HTR2C: variants seen among roughly 807,000 people sequenced by gnomAD.
HTR2C encodes the protein 5-hydroxytryptamine receptor 2C.
A neutral mutation model predicts 21.0 loss-of-function variants in HTR2C; 5 were observed. The observed-to-expected ratio is 0.24, with a 90% CI of 0.12 to 0.50. HTR2C has a LOEUF of 0.50. Ranked by LOEUF, HTR2C falls within the 20% of genes least tolerant of loss-of-function variation. HTR2C has a pLI of 0.98. For synonymous variants in HTR2C, 150 were observed against 145.3 expected, an observed-to-expected ratio of 1.03 and a Z score of -0.23; for missense variants, 271 against 371.2, an observed-to-expected ratio of 0.73 and a Z score of 2.22.
intron 2 of HTR2C, among the ~76,000 whole-genome samples, chrX:114,615,683 T>C (rs2147807018): frequency 8.9e-6 from 1 of 111,875 alleles, no homozygotes; most frequent in Non-Finnish European, 1.9e-5. Context: ...ATCTTTACTG[T>C]CTTCCTTTCA....
At chrX:114,836,602 G>A (rs1195997743) in intron 4 of HTR2C, among the ~76,000 whole-genome samples, 8 of 111,916 alleles carry the variant, frequency 7.1e-5, no homozygotes, top group Non-Finnish European at 1.3e-4. Context: ...TGCGCCCACT[G>A]TCTGTTACTC....
At chrX:114,854,660 G>A (rs2070944795) in intron 5 of HTR2C, among the ~76,000 whole-genome samples, 2 of 111,335 alleles carry the variant, frequency 1.8e-5, no homozygotes, top group Admixed American at 9.6e-5. Context: ...GCTGGACAAT[G>A]GCCTAGGCAA....
chrX:114,747,412 A>G (rs782147625), intron 4 of HTR2C, among the ~76,000 whole-genome samples: 234 of 112,133 alleles, frequency 2.1e-3, no homozygotes, highest in Non-Finnish European at 3.5e-3. Context: ...AATTAATGAA[A>G]TGCACACTGG....
intron 2 of HTR2C, among the ~76,000 whole-genome samples, chrX:114,636,068 GTTT>G (rs199651941): frequency 1.1e-5 from 1 of 91,780 alleles, no homozygotes. Context: ...CTGTGCAATG[GTTT>G]TTTTTTTTTT....
intron 1 of HTR2C, among the ~76,000 whole-genome samples, chrX:114,595,355 C>A (rs781878931): frequency 9.7e-6 from 1 of 103,166 alleles, no homozygotes; most frequent in African/African-American, 3.5e-5. Flanking sequence ...GTAGCTGGAA[C>A]TGTAGGTGTG....
intron 5 of HTR2C, among the ~76,000 whole-genome samples, chrX:114,863,269 A>G (rs1556473580): frequency 9.0e-6 from 1 of 110,936 alleles, no homozygotes; most frequent in Non-Finnish European, 1.9e-5. Context: ...GAACCTCCAT[A>G]CTGTTTTCCA....
intron 1 of HTR2C, among the ~76,000 whole-genome samples, chrX:114,604,418 G>A (rs955878881): frequency 9.0e-6 from 1 of 110,541 alleles, no homozygotes; most frequent in Admixed American, 9.6e-5. Flanking sequence ...AAGGGAAACA[G>A]GCCCTTGAAA....
At chrX:114,604,588 G>C (rs782288419) in intron 1 of HTR2C, among the ~76,000 whole-genome samples, 1 of 111,154 alleles carries the variant, frequency 9.0e-6, no homozygotes, top group East Asian at 2.9e-4. Flanking sequence ...GAGAAGATCT[G>C]GGAAGGAGTC....
chrX:114,689,208 G>GTGTATA (rs1556414750), intron 2 of HTR2C, among the ~76,000 whole-genome samples: 1 of 72,740 alleles, frequency 1.4e-5, no homozygotes, highest in African/African-American at 5.4e-5. Context: ...GTATGTATGC[G>GTGTATA]TATATATATA....
chrX:114,648,945 T>C (rs1428251130), intron 2 of HTR2C, among the ~76,000 whole-genome samples: 1 of 111,624 alleles, frequency 9.0e-6, no homozygotes, highest in Non-Finnish European at 1.9e-5. Context: ...CCCTTTTCTG[T>C]ATTGGAGTAT....
intron 1 of HTR2C, among the ~76,000 whole-genome samples, chrX:114,599,679 G>A (rs1928006739): frequency 8.9e-6 from 1 of 111,932 alleles, no homozygotes; most frequent in Non-Finnish European, 1.9e-5. Context: ...TTACCTCTGT[G>A]ATTATTTTTC....
intron 2 of HTR2C, among the ~76,000 whole-genome samples, chrX:114,699,977 A>G (rs781921357): frequency 8.9e-6 from 1 of 111,788 alleles, no homozygotes; most frequent in Non-Finnish European, 1.9e-5. Context: ...ATTTTTGGCA[A>G]GGATGGCATT....
chrX:114,773,265 A>C (rs1052764651), intron 4 of HTR2C, among the ~76,000 whole-genome samples: 9 of 111,591 alleles, frequency 8.1e-5, no homozygotes, highest in African/African-American at 2.9e-4. Context: ...TAAGATAGAA[A>C]TATTACCCTT....
At chrX:114,626,877 A>G (rs1260055585) in intron 2 of HTR2C, among the ~76,000 whole-genome samples, 1 of 112,165 alleles carries the variant, frequency 8.9e-6, no homozygotes, top group Non-Finnish European at 1.9e-5. Flanking sequence ...CAAGAGAAGG[A>G]TAGCAAGCCT....
chrX:114,904,939 G>A (rs1288290974), intron 5 of HTR2C, among the ~76,000 whole-genome samples: 1 of 107,635 alleles, frequency 9.3e-6, no homozygotes, highest in Admixed American at 1.0e-4. Flanking sequence ...TGGTTCTGCT[G>A]TACTCTATAT....
At chrX:114,876,422 C>CTTTTTTTTTTTTTTTT (rs60498146) in intron 5 of HTR2C, among the ~76,000 whole-genome samples, 78 of 62,319 alleles carry the variant, frequency 1.3e-3, no homozygotes, top group Middle Eastern at 0.014. Flanking sequence ...CTTTTTCTTT[C>CTTTTTTTTTTTTTTTT]TTTTTTTTTT....
intron 2 of HTR2C, among the ~76,000 whole-genome samples, chrX:114,697,929 G>GTC (rs1472196497): frequency 8.9e-6 from 1 of 112,023 alleles, no homozygotes; most frequent in African/African-American, 3.2e-5. Flanking sequence ...TGAAGTCTAG[G>GTC]TGCCAGCTGG....
At chrX:114,641,055 T>TCTTTTTTTCTTTTC (rs1556406337) in intron 2 of HTR2C, among the ~76,000 whole-genome samples, 14 of 101,448 alleles carry the variant, frequency 1.4e-4, no homozygotes, top group African/African-American at 5.1e-4. Flanking sequence ...TTTCTTTCTT[T>TCTTTTTTTCTTTTC]TTTTCTTTTC....
intron 1 of HTR2C, among the ~76,000 whole-genome samples, chrX:114,613,154 G>A (rs782378073): frequency 9.3e-4 from 102 of 110,122 alleles, no homozygotes; most frequent in Non-Finnish European, 1.7e-3. Flanking sequence ...GGCCAGGCTC[G>A]TCTTGAACCC....
Sources: gnomAD v4.1 joint callset for allele counts (sites outside exome capture counted in the v4.1 genomes callset) on GRCh38, gnomAD v4.1.1 for gene constraint, MANE v1.5 for transcripts, NCBI Gene and HGNC (gene_info 2026-07-23, HGNC 2026-07-21) for gene names.